Variants in DAB1 observed in about 807,000 individuals in gnomAD.
DAB1 encodes DAB adaptor protein 1, also known as disabled homolog 1.
DAB1 carries 15 observed loss-of-function variants against 64.6 expected under a neutral mutation model. The observed-to-expected ratio is 0.23, with a 90% CI of 0.16 to 0.36. The LOEUF is 0.36. Ranked by LOEUF, DAB1 falls within the 10% of genes least tolerant of loss-of-function variation. The probability of loss-of-function intolerance (pLI) is 1.00; values close to 1 mark genes in which losing one functional copy is unlikely to be tolerated. For missense variants in DAB1, 596 were observed against 706.7 expected, an observed-to-expected ratio of 0.84 and a Z score of 1.78; for synonymous variants, 235 against 251.9, an observed-to-expected ratio of 0.93 and a Z score of 0.64.
At position 57,462,497 on chromosome 1, in the gene DAB1, T is replaced by C. The variant is rs946969518; in HGVS notation, n.626-171331A>G. ...CACAGAACTCCAGTACTTTCTTTCCTTAGATATAGCTTTAAGGAATGAATT... is the reference window on the plus strand; with the variant it reads ...CACAGAACTCCAGTACTTTCTTTCCCTAGATATAGCTTTAAGGAATGAATT... On this transcript the variant is annotated intron_variant and non_coding_transcript_variant, in intron 7 of 20. Coordinates refer to the DAB1 transcript ENST00000485760. 4.6e-5 allele frequency among the ~76,000 whole-genome samples: 7 copies of C among 152,220 alleles called. No individual in the cohort carries two copies. In the South Asian group the frequency reaches 1.2e-3, roughly 27 times the overall value.
At chr1:58,277,071 G>A (rs1403517491) in intron 4 of DAB1, among the ~76,000 whole-genome samples, 4 of 122,906 alleles carry the variant, frequency 3.3e-5, no homozygotes, top group South Asian at 2.7e-4. Context: ...ACAGAGTCTC[G>A]CTCTGTCACC....
At chr1:58,543,221 G>C (rs1038996884) in intron 1 of DAB1, among the ~76,000 whole-genome samples, 1 of 152,146 alleles carries the variant, frequency 6.6e-6, no homozygotes. Context: ...TGATCTCTAA[G>C]ACGTTTACAT....
At chr1:57,407,764 TGAA>T (rs1683764161) in intron 1 of DAB1, among the ~76,000 whole-genome samples, 1 of 133,370 alleles carries the variant, frequency 7.5e-6, no homozygotes, top group Non-Finnish European at 1.5e-5. Context: ...GGAAGATATC[TGAA>T]GTGTGTGTGT....
chr1:57,796,167 C>G (rs1380591880), intron 6 of DAB1, among the ~76,000 whole-genome samples: 1 of 152,100 alleles, frequency 6.6e-6, no homozygotes, highest in Non-Finnish European at 1.5e-5. Flanking sequence ...GTTCAATTCA[C>G]TTTAGTTTCA....
At chr1:57,783,737 C>G (rs1650215712) in intron 6 of DAB1, among the ~76,000 whole-genome samples, 1 of 152,100 alleles carries the variant, frequency 6.6e-6, no homozygotes, top group Admixed American at 6.5e-5. Flanking sequence ...CAAAGTTTTT[C>G]ATTATTGTTA....
intron 6 of DAB1, among the ~76,000 whole-genome samples, chr1:57,719,350 G>T (rs74075846): frequency 6.6e-6 from 1 of 152,250 alleles, no homozygotes; most frequent in Admixed American, 6.5e-5. Context: ...GGGTTTGTAC[G>T]TTTAAAAGAG....
chr1:57,549,533 G>A (rs930499528), intron 7 of DAB1, among the ~76,000 whole-genome samples: 3 of 152,146 alleles, frequency 2.0e-5, no homozygotes, highest in African/African-American at 7.2e-5. Flanking sequence ...ACAGCTCCTG[G>A]AGAGCTTCCC....
intron 2 of DAB1, among the ~76,000 whole-genome samples, chr1:57,227,519 TTGTGTGTG>T (rs57671970): frequency 1.2e-3 from 157 of 135,808 alleles, no homozygotes; most frequent in Admixed American, 2.8e-3. Context: ...TTTTTTTCTT[TTGTGTGTG>T]TGTGTGTGTG....
chr1:58,218,417 G>C (rs1191800092), intron 4 of DAB1, among the ~76,000 whole-genome samples: 1 of 152,142 alleles, frequency 6.6e-6, no homozygotes, highest in Non-Finnish European at 1.5e-5. Context: ...TTCCAGCTTT[G>C]GGGAGCAGAA....
Position 57,315,120 on chromosome 1 carries a change from T to C in DAB1, c.-136-23954A>G, listed in dbSNP as rs1180557109. On this transcript the variant is annotated intron_variant, in intron 1 of 14. Coordinates refer to ENST00000371236, the MANE Select transcript of DAB1 (RefSeq NM_001365792.1). Reference sequence around the variant, plus strand: ...CCTTTCTGCTTCAGGGTCTTTGCAGTTGTGTTTCCTCTCTTGGCTCCTTCT... The same window carrying C: ...CCTTTCTGCTTCAGGGTCTTTGCAGCTGTGTTTCCTCTCTTGGCTCCTTCT... Among the ~76,000 whole-genome samples the C allele has an allele frequency of 2.0e-5, 3 of 152,176 alleles. No homozygotes were observed. In the East Asian group the frequency reaches 5.8e-4, roughly 29 times the overall value.
At chr1:57,050,693 A>G (rs1649099319) in intron 9 of DAB1, among the ~76,000 whole-genome samples, 1 of 152,178 alleles carries the variant, frequency 6.6e-6, no homozygotes, top group Non-Finnish European at 1.5e-5. Flanking sequence ...CTCTCATAGC[A>G]TCTTGTACAC....
intron 1 of DAB1, among the ~76,000 whole-genome samples, chr1:57,332,684 C>A (rs1051458041): frequency 6.6e-6 from 1 of 152,124 alleles, no homozygotes; most frequent in Non-Finnish European, 1.5e-5. Context: ...GATATTTAAA[C>A]AATCTCTGAA....
At chr1:57,241,429 T>G in intron 2 of DAB1, among the ~76,000 whole-genome samples, 1 of 152,138 alleles carries the variant, frequency 6.6e-6, no homozygotes, top group Non-Finnish European at 1.5e-5. Context: ...TTTCATTCTA[T>G]CAAATCTAAA....
At position 57,625,196 on chromosome 1, in the gene DAB1, A is replaced by G. The variant is rs531999762; in HGVS notation, n.625+24396T>C. Among the ~76,000 whole-genome samples, 5 of 152,008 alleles carry G rather than the reference A, an allele frequency of 3.3e-5. No homozygotes were observed. In the East Asian group the frequency reaches 9.7e-4, roughly 29 times the overall value. On this transcript the variant is annotated intron_variant and non_coding_transcript_variant, in intron 7 of 20. Transcript: ENST00000485760. ...TTTCCTTTATCCTTCTTTTCACAAC[A>G]GATTTCTGTTTTTCTTTCCTTCTCT...
chr1:57,321,931 T>C (rs1376433035), intron 1 of DAB1, among the ~76,000 whole-genome samples: 2 of 152,160 alleles, frequency 1.3e-5, no homozygotes, highest in African/African-American at 2.4e-5. Flanking sequence ...TTTCCAAAGA[T>C]AGAGAGCTCG....
At chr1:57,528,600 TA>T (rs1452715292) in intron 7 of DAB1, among the ~76,000 whole-genome samples, 3 of 151,146 alleles carry the variant, frequency 2.0e-5, no homozygotes, top group Non-Finnish European at 4.4e-5. Context: ...GCTAAATTCC[TA>T]AAAATCCAGG....
At chr1:57,635,121 TG>T (rs1646035984) in intron 7 of DAB1, among the ~76,000 whole-genome samples, 2 of 152,264 alleles carry the variant, frequency 1.3e-5, no homozygotes, top group Non-Finnish European at 2.9e-5. Flanking sequence ...ATGAATCACA[TG>T]GGAATTTGCA....
At chr1:57,455,468 C>T (rs932523049) in intron 7 of DAB1, among the ~76,000 whole-genome samples, 4 of 151,970 alleles carry the variant, frequency 2.6e-5, no homozygotes, top group African/African-American at 9.7e-5. Flanking sequence ...TATCTGTAGG[C>T]TATGGGGAAG....
Position 58,427,696 on chromosome 1 carries a change from C to G in DAB1, n.257+78364G>C, listed in dbSNP as rs144833180. ...CCACTGAATAAGATTGGGAGGTCTT[C>G]GGTGCCAGGAATTTGGGGATCCAGT... On this transcript the variant is annotated intron_variant and non_coding_transcript_variant, in intron 3 of 20. Transcript: ENST00000485760. 4.0e-3 allele frequency among the ~76,000 whole-genome samples: 605 copies of G among 152,150 alleles called. 1 individual carries two copies. Among genetic ancestry groups the G allele is most frequent in the African/African-American group, 0.014 (564 of 41,480 alleles).
Sources: gnomAD v4.1 joint callset for allele counts (sites outside exome capture counted in the v4.1 genomes callset) on GRCh38, gnomAD v4.1.1 for gene constraint, MANE v1.5 for transcripts, NCBI Gene and HGNC (gene_info 2026-07-23, HGNC 2026-07-21) for gene names.